The following NUP85 variants were observed in gnomAD, a reference collection of about 807,000 sequenced individuals.
NUP85 encodes nucleoporin 85, also known as nuclear pore complex protein Nup85.
Under a neutral mutation model 92.8 loss-of-function variants are expected in NUP85, and 23 were observed. The observed-to-expected ratio is 0.25, with a 90% CI of 0.18 to 0.35. The LOEUF is 0.35. Ranked by LOEUF, NUP85 falls within the 10% of genes least tolerant of loss-of-function variation. NUP85 has a pLI of 1.00. For synonymous variants in NUP85, 314 were observed against 306.9 expected (o/e 1.02, Z -0.24); for missense variants, 759 against 822.8 (o/e 0.92, Z 0.95).
At chr17:75,230,520 C>T (rs148799646) in intron 11 of NUP85, among the ~76,000 whole-genome samples, 7 of 152,132 alleles carry the variant, frequency 4.6e-5, no homozygotes, top group East Asian at 3.9e-4. Context: ...CCACAACATC[C>T]GGCTAATTTT....
rs1046028592 is a variant in NUP85, at chr17:75,220,210, T to C, written c.597+1904T>C. ...CGCCATCTCAGCTCACTGCGACCTC[T>C]GCCTCCGGGGTTCAAGTGATTCTTC... On this transcript the variant is annotated intron_variant, in intron 7 of 18. Transcript: ENST00000245544. 5.9e-5 allele frequency among the ~76,000 whole-genome samples: 9 copies of C among 151,954 alleles called. No homozygotes were observed. The East Asian group carries it at 1.7e-3, about 29-fold the overall frequency.
intron 11 of NUP85, among the ~76,000 whole-genome samples, chr17:75,230,447 C>T (rs2145400295): frequency 1.3e-5 from 2 of 151,704 alleles, no homozygotes; most frequent in East Asian, 3.9e-4. Context: ...GCAAGCCCCG[C>T]CTCCTAGGTT....
intron 3 of NUP85, among the ~76,000 whole-genome samples, chr17:75,211,065 C>T (rs1327798841): frequency 7.0e-6 from 1 of 142,252 alleles, no homozygotes; most frequent in East Asian, 2.1e-4. Flanking sequence ...TGCAGTGGCG[C>T]AATCTTGGCC....
chr17:75,235,501 G>T, intron 18 of NUP85, 77 bp from the exon 19 acceptor site: 1 of 1,003,784 alleles, frequency 1.0e-6, no homozygotes, highest in Non-Finnish European at 1.5e-6. Context: ...CTCTACCTTT[G>T]GATTAGCTAG....
chr17:75,209,676 T>C, intron 2 of NUP85, 147 bp from the exon 3 acceptor site: 1 of 569,396 alleles, frequency 1.8e-6, no homozygotes, highest in South Asian at 2.4e-5. Flanking sequence ...ATTCCTGACC[T>C]CGTGATCTGC....
chr17:75,224,473 C>T (rs570340958), intron 7 of NUP85, among the ~76,000 whole-genome samples: 41 of 152,254 alleles, frequency 2.7e-4, no homozygotes, highest in African/African-American at 9.6e-4. Context: ...ACAGCACACA[C>T]CATGATGGTG....
chr17:75,209,127 T>C (rs569319600), intron 2 of NUP85, among the ~76,000 whole-genome samples: 330 of 152,340 alleles, frequency 2.2e-3, no homozygotes, highest in Non-Finnish European at 3.6e-3. Flanking sequence ...AATGTCAAGC[T>C]TTTTATCCCT....
intron 16 of NUP85, among the ~76,000 whole-genome samples, chr17:75,234,274 A>C (rs2076234151): frequency 6.7e-6 from 1 of 148,978 alleles, no homozygotes; most frequent in African/African-American, 2.5e-5. Flanking sequence ...TTGGTCTCAA[A>C]CTCCTGACCT....
At chr17:75,229,082 C>T (rs907612980) in intron 11 of NUP85, 2 of 985,320 alleles carry the variant, frequency 2.0e-6, no homozygotes, top group Non-Finnish European at 1.2e-6. Context: ...GGCAAGATGT[C>T]GGCAGTTTCC....
chr17:75,210,028 TG>T (rs1368763270), intron 3 of NUP85, 43 bp downstream of exon 3: 1 of 1,560,358 alleles, frequency 6.4e-7, no homozygotes. Flanking sequence ...CACTACACTG[TG>T]GAAAGCCAAA....
chr17:75,231,940 G>T lies in NUP85; in HGVS notation c.1357G>T (p.Val453Leu), dbSNP rs1214651510. ...PLNTEQKALK[V>L]LRICEQRQMT... ...GAACACCGAGCAGAAAGCCCTGAAGGTGCTGCGGATCTGTGAGCAGCGGCA... is the reference window on the plus strand; with the variant it reads ...GAACACCGAGCAGAAAGCCCTGAAGTTGCTGCGGATCTGTGAGCAGCGGCA... The change falls in exon 14 of 19, where the codon GTG becomes TTG. Residue 453 changes from valine to leucine, a missense_variant. By Grantham distance (32) the Val-to-Leu change is conservative. Transcript: ENST00000245544. The surrounding 1 kb of genome is among the most constrained non-coding windows in gnomAD (Gnocchi z 4.6). 11 of 1,614,096 alleles carry T rather than the reference G, an allele frequency of 6.8e-6. No individual in the cohort carries two copies. Among genetic ancestry groups the T allele is most frequent in the Non-Finnish European group, 9.3e-6 (11 of 1,180,042 alleles).
In NUP85 at chr17:75,233,070, T is replaced by C. The variant is rs373908468; in HGVS notation, c.1527T>C (p.Asp509=). The C allele has an allele frequency of 6.2e-7, 1 of 1,613,994 alleles. No homozygotes were observed. Among genetic ancestry groups the C allele is most frequent in the Non-Finnish European group, 8.5e-7 (1 of 1,180,024 alleles). The part of the protein sequence containing the change: ...ATLVSDRFLR[D]YCERGCFSDL... ...CCGGGCCCTGCAGGTTCCTCAGGGA[T>C]TACTGTGAGCGAGGCTGCTTTTCTG... Residue 509 remains aspartate, a synonymous_variant, in exon 16 of 19, where the codon GAT becomes GAC. Transcript: ENST00000245544.
intron 6 of NUP85, among the ~76,000 whole-genome samples, chr17:75,217,260 A>C (rs969378951): frequency 6.6e-6 from 1 of 151,606 alleles, no homozygotes; most frequent in Admixed American, 6.6e-5. Context: ...AAATTTCGCT[A>C]TGTTGCCCGG....
At chr17:75,216,623 CTG>C (rs2145304197) in intron 6 of NUP85, among the ~76,000 whole-genome samples, 1 of 152,250 alleles carries the variant, frequency 6.6e-6, no homozygotes, top group East Asian at 1.9e-4. Flanking sequence ...TATGAGCTCT[CTG>C]TGGATCTGCT....
At chr17:75,213,041 C>T (rs757525265) in intron 4 of NUP85, 35 bp from the exon 5 acceptor site, 18 of 1,601,198 alleles carry the variant, frequency 1.1e-5, no homozygotes, top group Admixed American at 1.7e-5. Context: ...CCTAAGAGTT[C>T]CATTGCTCAC....
chr17:75,210,796 G>A (rs1037213241), intron 3 of NUP85, among the ~76,000 whole-genome samples: 3 of 151,994 alleles, frequency 2.0e-5, no homozygotes, highest in Non-Finnish European at 4.4e-5. Flanking sequence ...CTGCCTCCTG[G>A]ATTCACGCCA....
intron 1 of NUP85, among the ~76,000 whole-genome samples, chr17:75,207,965 G>C (rs2075137133): frequency 6.6e-6 from 1 of 151,952 alleles, no homozygotes. Context: ...AGTCCAGCCT[G>C]GGCAACAAGA....
At chr17:75,229,816 C>T (rs1462293782) in intron 11 of NUP85, among the ~76,000 whole-genome samples, 1 of 152,158 alleles carries the variant, frequency 6.6e-6, no homozygotes, top group African/African-American at 2.4e-5. Context: ...TTGTTGGTGG[C>T]TTTCGTGCAG....
intron 1 of NUP85, 91 bp from the exon 2 acceptor site, chr17:75,208,436 G>A (rs1598260638): frequency 1.2e-5 from 8 of 649,200 alleles, no homozygotes; most frequent in East Asian, 2.7e-5. Flanking sequence ...GTGAGTCTTT[G>A]TCTCAAAAAA....
Sources: gnomAD v4.1 joint callset for allele counts (sites outside exome capture counted in the v4.1 genomes callset) on GRCh38, gnomAD v4.1.1 for gene constraint, Gnocchi (gnomAD v3.1) non-coding constraint, MANE v1.5 for transcripts, NCBI Gene and HGNC (gene_info 2026-07-23, HGNC 2026-07-21) for gene names.